The following CCNF variants were observed in gnomAD, a reference collection of about 807,000 sequenced individuals.
CCNF encodes the protein cyclin-F.
Under a neutral mutation model 85.4 loss-of-function variants are expected in CCNF, and 30 were observed. The ratio of observed to expected loss-of-function variants is 0.35; its 90% CI spans 0.26 to 0.48. CCNF has a LOEUF of 0.48. Among genes scored for constraint, CCNF ranks in the 20% least tolerant of loss-of-function variants. CCNF has a pLI of 0.99. For synonymous variants in CCNF, 439 were observed against 425.1 expected (o/e 1.03, Z -0.40); for missense variants, 919 against 1,010.4 (o/e 0.91, Z 1.23).
intron 11 of CCNF, 82 bp downstream of exon 11, chr16:2,449,060 G>GTT: frequency 3.2e-6 from 5 of 1,555,318 alleles, no homozygotes; most frequent in Non-Finnish European, 4.4e-6. Flanking sequence ...CTTTCCTGCT[G>GTT]TGGGAGGGCC....
intron 12 of CCNF, 107 bp from the exon 13 acceptor site, chr16:2,449,721 A>G: frequency 1.2e-6 from 1 of 809,022 alleles, no homozygotes; most frequent in South Asian, 1.4e-5. Flanking sequence ...GAGCCCACAG[A>G]GCTATAGAGC....
At position 2,456,587 on chromosome 16, in the gene CCNF, T is replaced by G. The variant is rs1157232478; in HGVS notation, c.1928T>G (p.Leu643Arg). 1.3e-6 allele frequency: 2 copies of G among 1,582,088 alleles called. No homozygotes were observed. The change falls in exon 17 of 17, where the codon CTG (leucine) becomes CGG (arginine). Residue 643 changes from leucine (L) to arginine (R), a missense_variant. Leu to Arg is a moderately radical substitution (Grantham distance 102). Around this residue, in one of 3 missense-constraint regions of CCNF, gnomAD observed 505 missense variants for 514.8 expected, o/e 0.98. Transcript: ENST00000397066. This position sits in a 1 kb window ranked among gnomAD's most constrained non-coding sequence, Gnocchi z 4.5. ...ATCCTCGATGTCACCGTGGTCTACC[T>G]GAACCCAGAACAGCATTGCTGCCAG... ...SGILDVTVVY[L>R]NPEQHCCQES... is the part of the protein sequence containing the mutation.
chr16:2,434,389 C>A (rs1056782033), intron 3 of CCNF, among the ~76,000 whole-genome samples: 1 of 151,910 alleles, frequency 6.6e-6, no homozygotes, highest in Non-Finnish European at 1.5e-5. Flanking sequence ...CCAAGGCGGG[C>A]GGATCACGAG....
intron 15 of CCNF, among the ~76,000 whole-genome samples, chr16:2,454,148 G>A (rs746915605): frequency 2.6e-5 from 4 of 152,172 alleles, no homozygotes; most frequent in Non-Finnish European, 5.9e-5. Context: ...CAGGCACTGG[G>A]TGGCTGGGTC....
rs1270133618 is a variant in CCNF, at chr16:2,456,816, G to A, written c.2157G>A (p.Gly719=). The A allele has an allele frequency of 1.2e-6, 2 of 1,613,912 alleles. No homozygotes were observed. The highest frequency in any genetic ancestry group is 1.7e-6 in the Non-Finnish European group (2 of 1,179,986). ...CAAGCTCCGTGGACGGTGGCTTGGG[G>A]GCCCTGCCCCAACCTACCTCAGTGC... ...SPTSSVDGGL[G]ALPQPTSVLS... is the part of the protein sequence containing the mutation. Residue 719 remains glycine (G), a synonymous_variant, in exon 17 of 17, where the codon GGG becomes GGA. Transcript: ENST00000397066. This position sits in a 1 kb window ranked among gnomAD's most constrained non-coding sequence, Gnocchi z 4.5.
intron 9 of CCNF, among the ~76,000 whole-genome samples, chr16:2,445,078 T>C (rs2065354034): frequency 6.6e-6 from 1 of 152,064 alleles, no homozygotes; most frequent in Non-Finnish European, 1.5e-5. Flanking sequence ...GGGCATCATT[T>C]ACCGTATTGG....
chr16:2,452,058 G>T lies in CCNF; in HGVS notation c.1488-1152G>T, dbSNP rs997585151. Among the ~76,000 whole-genome samples the T allele has an allele frequency of 5.3e-5, 8 of 152,246 alleles. No homozygotes were observed. Among genetic ancestry groups the T allele is most frequent in the African/African-American group, 1.4e-4 (6 of 41,466 alleles). ...CTTCTCCATCCCTGCATCCTCGTCA[G>T]TGCAGTTTCCTCGTGCGCTCACAGC... On this transcript the variant is annotated intron_variant, in intron 13 of 16. Transcript: ENST00000397066. The surrounding 1 kb of genome is among the most constrained non-coding windows in gnomAD (Gnocchi z 4.1).
chr16:2,452,885 A>G lies in CCNF; in HGVS notation c.1488-325A>G, dbSNP rs1009734380. ...GTGTGTCCCTGCTTTGTTCTTTTTC[A>G]TGGCTGAATAATATTCCCCTGCATG... On this transcript the variant is annotated intron_variant, in intron 13 of 16. Transcript: ENST00000397066. The surrounding 1 kb of genome is among the most constrained non-coding windows in gnomAD (Gnocchi z 4.1). 6 of 352,166 alleles carry G rather than the reference A, an allele frequency of 1.7e-5. No individual in the cohort carries two copies. The highest frequency in any genetic ancestry group is 1.7e-3 in the Middle Eastern group (2 of 1,196). The allele number at this position is 352,166 out of a possible 1,614,324, so 21.8% of individuals were successfully genotyped here. A position where few individuals can be genotyped will look rare whatever the true frequency, so the allele number is the denominator to read the frequency against.
At chr16:2,441,981 A>ATATATATATATGTG (rs1322601122) in intron 8 of CCNF, among the ~76,000 whole-genome samples, 4 of 98,780 alleles carry the variant, frequency 4.0e-5, no homozygotes, top group African/African-American at 1.2e-4. Flanking sequence ...ATATATATAT[A>ATATATATATATGTG]TGTTTTTGTT....
intron 16 of CCNF, 92 bp downstream of exon 16, chr16:2,455,656 T>C: frequency 2.7e-6 from 4 of 1,460,394 alleles, no homozygotes; most frequent in South Asian, 2.9e-5. Context: ...GTGCGAGCGC[T>C]GTGGGAGGAA....
chr16:2,435,644 C>CACATATAT (rs2065285561), intron 3 of CCNF, among the ~76,000 whole-genome samples, 162 bp from the exon 4 acceptor site: 2 of 18,872 alleles, frequency 1.1e-4, no homozygotes, highest in African/African-American at 6.1e-4. Context: ...TATGCACACA[C>CACATATAT]ATATATATAT....
intron 11 of CCNF, 111 bp from the exon 12 acceptor site, chr16:2,449,171 C>A (rs1427625231): frequency 6.9e-7 from 1 of 1,456,388 alleles, no homozygotes; most frequent in Non-Finnish European, 9.6e-7. Flanking sequence ...GCTACGCGTG[C>A]AGCATCGGCG....
intron 8 of CCNF, among the ~76,000 whole-genome samples, chr16:2,440,891 C>A (rs978685859): frequency 5.9e-5 from 9 of 152,092 alleles, no homozygotes; most frequent in Non-Finnish European, 1.2e-4. Flanking sequence ...GAGTTCAAGA[C>A]CAGCTCTGGC....
In CCNF at chr16:2,436,167, C is replaced by T. The variant is rs904170659; in HGVS notation, c.346+294C>T. On this transcript the variant is annotated intron_variant, in intron 4 of 16. Transcript: ENST00000397066. ...TCAGCACGGGGGCTGTTTGGGCTCC[C>T]TGCCCTGTGCGCCATGAGCACGCAG... 2.4e-5 allele frequency: 8 copies of T among 331,792 alleles called. No individual in the cohort carries two copies. In the Admixed American group the frequency reaches 2.7e-4, roughly 11 times the overall value. The allele number at this position is 331,792 out of a possible 1,614,324, so 20.6% of individuals were successfully genotyped here.
At chr16:2,443,038 TATA>T (rs1347430485) in intron 8 of CCNF, among the ~76,000 whole-genome samples, 337 of 120,560 alleles carry the variant, frequency 2.8e-3, no homozygotes, top group Non-Finnish European at 3.3e-3. Flanking sequence ...TAATATATAA[TATA>T]ATATTATGTT....
intron 3 of CCNF, among the ~76,000 whole-genome samples, chr16:2,434,755 CTTCCCA>C (rs888946475): frequency 3.3e-5 from 5 of 152,250 alleles, no homozygotes; most frequent in African/African-American, 1.2e-4. Flanking sequence ...TCAGCAGTCA[CTTCCCA>C]TTTTCCCCAC....
chr16:2,453,906 A>G lies in CCNF; in HGVS notation c.1715+369A>G, dbSNP rs1175082690. Among the ~76,000 whole-genome samples, 1 of 152,010 alleles carries G rather than the reference A, an allele frequency of 6.6e-6. No individual in the cohort carries two copies. Among genetic ancestry groups the G allele is most frequent in the Non-Finnish European group, 1.5e-5 (1 of 67,978 alleles). On this transcript the variant is annotated intron_variant, in intron 15 of 16. Coordinates refer to ENST00000397066, the MANE Select transcript of CCNF (RefSeq NM_001761.3). This position sits in a 1 kb window ranked among gnomAD's most constrained non-coding sequence, Gnocchi z 5.6. ...TGTCACTCCCGGCACTCGAGCTGTG[A>G]CCTGAGTCACATCCCCAGCACTTCC...
intron 15 of CCNF, among the ~76,000 whole-genome samples, chr16:2,455,057 CAAAAA>C (rs113432361): frequency 4.2e-5 from 2 of 47,238 alleles, no homozygotes; most frequent in African/African-American, 1.6e-4. Flanking sequence ...AAGAACACCT[CAAAAA>C]AAAAAAAAAA....
chr16:2,457,096 C>T lies in CCNF; in HGVS notation c.*76C>T, dbSNP rs770353839. The T allele has an allele frequency of 1.7e-4, 192 of 1,101,732 alleles. 1 individual carries two copies. Among genetic ancestry groups the T allele is most frequent in the Middle Eastern group, 2.2e-4 (1 of 4,618 alleles). The allele number at this position is 1,101,732 out of a possible 1,614,324, so 68.2% of individuals were successfully genotyped here. Reference sequence around the variant, plus strand: ...GAAGGGTGGGAGCATAGCATAGGAACGCTGCATAGACCATGGAGGCCTTTG... The same window carrying T: ...GAAGGGTGGGAGCATAGCATAGGAATGCTGCATAGACCATGGAGGCCTTTG... On this transcript the variant is annotated 3_prime_UTR_variant, in exon 17 of 17. Coordinates refer to ENST00000397066, the MANE Select transcript of CCNF (RefSeq NM_001761.3).
Sources: gnomAD v4.1 joint callset for allele counts (sites outside exome capture counted in the v4.1 genomes callset) on GRCh38, gnomAD v4.1.1 for gene constraint, gnomAD v4.1.1 regional missense constraint, Gnocchi (gnomAD v3.1) non-coding constraint, MANE v1.5 for transcripts, NCBI Gene and HGNC (gene_info 2026-07-23, HGNC 2026-07-21) for gene names.